LGALS3BP: variants seen among roughly 807,000 people sequenced by gnomAD.
The protein encoded by LGALS3BP is galectin 3 binding protein, also known as galectin-3-binding protein.
Under a neutral mutation model 22.9 loss-of-function variants are expected in LGALS3BP, and 25 were observed. The ratio of observed to expected loss-of-function variants is 1.09; its 90% CI spans 0.80 to 1.53. LGALS3BP has a LOEUF of 1.53. Among genes scored for constraint, LGALS3BP ranks in the 40% most tolerant of loss-of-function variants. LGALS3BP has a pLI of 0.00. For missense variants in LGALS3BP, 718 were observed against 752.0 expected, an observed-to-expected ratio of 0.95 and a Z score of 0.53; for synonymous variants, 335 against 331.1, an observed-to-expected ratio of 1.01 and a Z score of -0.13.
At position 78,974,605 on chromosome 17, in the gene LGALS3BP, G is replaced by C. The variant is rs1005211299; in HGVS notation, c.376+83C>G. The C allele has an allele frequency of 2.1e-6, 3 of 1,436,144 alleles. No individual in the cohort carries two copies. In the Admixed American group the frequency reaches 5.7e-5, roughly 27 times the overall value. 89.0% of individuals were successfully genotyped at this position (1,436,144 alleles called of 1,614,324 possible). ...GAACCTTTGTGTGCTTCATGTGCGT[G>C]GGGGGGTGGTGCTGGGAGGGGCAGG... is the stretch of plus-strand genomic sequence containing the variant. On this transcript the variant is annotated intron_variant, in intron 4 of 5. Coordinates refer to ENST00000262776, the MANE Select transcript of LGALS3BP (RefSeq NM_005567.4).
chr17:78,974,255 C>CT (rs1428632894), intron 4 of LGALS3BP, among the ~76,000 whole-genome samples: 1 of 152,258 alleles, frequency 6.6e-6, no homozygotes, highest in African/African-American at 2.4e-5. Context: ...CCTGGGTTCC[C>CT]TCCAAACTGG....
rs778454792 is a variant in LGALS3BP, at chr17:78,974,689, A to G, written c.375T>C (p.Asn125=). The G allele has an allele frequency of 2.5e-6, 4 of 1,613,082 alleles. No individual in the cohort carries two copies. In the African/African-American group the frequency reaches 5.3e-5, roughly 22 times the overall value. The change falls in exon 4 of 6, where the codon AAT becomes AAC. Residue 125 remains asparagine, a splice_region_variant and synonymous_variant. Transcript: ENST00000262776. ...GCAGGGAGGTGCGCCCCCGCTCACC[A>G]TTGGTGCAGACCACACCAGCGTCTC... ...HERDAGVVCT[N]ETRSTHTLDL...
At position 78,975,889 on chromosome 17, in the gene LGALS3BP, T is replaced by A. The variant is rs150134342; in HGVS notation, c.244+76A>T. 197 of 1,053,690 alleles carry A rather than the reference T, an allele frequency of 1.9e-4. No individual in the cohort carries two copies. The African/African-American group carries it at 3.0e-3, about 16-fold the overall frequency. 65.3% of individuals were successfully genotyped at this position (1,053,690 alleles called of 1,614,324 possible). A position where few individuals can be genotyped will look rare whatever the true frequency, so the allele number is the denominator to read the frequency against. On this transcript the variant is annotated intron_variant, in intron 3 of 5. Transcript: ENST00000262776. ...GTCTTTGAAACCTGACTGTTTCGTC[T>A]TAGGGGATTTGCCCCTCCTGGGAGC...
chr17:78,972,067 A>C lies in LGALS3BP; in HGVS notation c.1267T>G (p.Trp423Gly). 6.2e-7 allele frequency: 1 copy of C among 1,613,960 alleles called. No individual in the cohort carries two copies. The highest frequency in any genetic ancestry group is 8.5e-7 in the Non-Finnish European group (1 of 1,179,906). The part of the protein sequence containing the change: ...TWSAFVTDSS[W>G]SARKSQLVYQ... ...ACCAGTTGTGACTTCCGTGCACTCC[A>C]GGAACTGTCTGTCACAAAGGCACTC... Residue 423 changes from tryptophan to glycine, a missense_variant, in exon 6 of 6, where the codon TGG becomes GGG. Trp to Gly is a radical substitution (Grantham distance 184). Coordinates refer to ENST00000262776, the MANE Select transcript of LGALS3BP (RefSeq NM_005567.4). This position sits in a 1 kb window ranked among gnomAD's most constrained non-coding sequence, Gnocchi z 5.1.
intron 3 of LGALS3BP, 91 bp from the exon 4 acceptor site, chr17:78,974,910 C>T: frequency 6.6e-7 from 1 of 1,509,604 alleles, no homozygotes; most frequent in Non-Finnish European, 9.0e-7. Flanking sequence ...TCCGCCCCGG[C>T]CGTGTGGGTC....
chr17:78,974,153 C>T (rs538854385), intron 4 of LGALS3BP, among the ~76,000 whole-genome samples: 1 of 152,230 alleles, frequency 6.6e-6, no homozygotes, highest in Non-Finnish European at 1.5e-5. Context: ...GCAGGAAATG[C>T]CCAGGTTGTC....
chr17:78,972,371 T>G lies in LGALS3BP; in HGVS notation c.963A>C (p.Leu321=). The G allele has an allele frequency of 6.2e-7, 1 of 1,613,450 alleles. No homozygotes were observed. Among genetic ancestry groups the G allele is most frequent in the South Asian group, 1.1e-5 (1 of 91,088 alleles). Residue 321 remains leucine, a synonymous_variant, in exon 6 of 6, where the codon CTA becomes CTC. Coordinates refer to ENST00000262776, the MANE Select transcript of LGALS3BP (RefSeq NM_005567.4). The surrounding 1 kb of genome is among the most constrained non-coding windows in gnomAD (Gnocchi z 5.1). ...SDLAVPSELA[L]LKAVDTWSWG... ...AGCTCCAGGTGTCCACGGCCTTCAGTAGGGCCAGCTCGCTGGGCACCGCCA... is the reference window on the plus strand; with the variant it reads ...AGCTCCAGGTGTCCACGGCCTTCAGGAGGGCCAGCTCGCTGGGCACCGCCA...
intron 2 of LGALS3BP, 46 bp downstream of exon 2, chr17:78,977,094 G>C (rs1202144941): frequency 1.9e-6 from 3 of 1,602,030 alleles, no homozygotes; most frequent in Non-Finnish European, 1.7e-6. Flanking sequence ...GGGTGCACCA[G>C]CCTTCCACAC....
chr17:78,971,567 C>A lies in LGALS3BP; in HGVS notation c.*9G>T. ...TTCTCCGGTTCTCACCACCCTTGGG[C>A]CACGCCGTCTAGTCCACACCTGAGG... On this transcript the variant is annotated 3_prime_UTR_variant, in exon 6 of 6. Coordinates refer to ENST00000262776, the MANE Select transcript of LGALS3BP (RefSeq NM_005567.4). This position sits in a 1 kb window ranked among gnomAD's most constrained non-coding sequence, Gnocchi z 5.6. The A allele has an allele frequency of 6.2e-7, 1 of 1,607,198 alleles. No individual in the cohort carries two copies. The highest frequency in any genetic ancestry group is 8.5e-7 in the Non-Finnish European group (1 of 1,176,148).
Position 78,973,124 on chromosome 17 carries a change from C to A in LGALS3BP, c.475G>T (p.Val159Leu), listed in dbSNP as rs140337664. The change falls in exon 5 of 6, where the codon GTG (valine) becomes TTG (leucine). Residue 159 changes from valine (V) to leucine (L), a missense_variant. Transcript: ENST00000262776. This position sits in a 1 kb window ranked among gnomAD's most constrained non-coding sequence, Gnocchi z 5.8. ...SQRGCDLSISVNVQGEDALGF... is the reference protein window; with the variant it reads ...SQRGCDLSISLNVQGEDALGF... ...AGGGCGTCCTCGCCCTGCACATTCA[C>A]GCTGATGGACAGGTCGCAGCCCCGC... 6.2e-7 allele frequency: 1 copy of A among 1,613,268 alleles called. No homozygotes were observed. The highest frequency in any genetic ancestry group is 8.5e-7 in the Non-Finnish European group (1 of 1,179,880).
At position 78,972,069 on chromosome 17, in the gene LGALS3BP, G is replaced by A; in HGVS notation, c.1265C>T (p.Ser422Phe). Residue 422 changes from serine (S) to phenylalanine (F), a missense_variant, in exon 6 of 6, where the codon TCC becomes TTC. By Grantham distance (155) the Ser-to-Phe change is radical. Coordinates refer to ENST00000262776, the MANE Select transcript of LGALS3BP (RefSeq NM_005567.4). The surrounding 1 kb of genome is among the most constrained non-coding windows in gnomAD (Gnocchi z 5.1). ...CAGTTGTGACTTCCGTGCACTCCAG[G>A]AACTGTCTGTCACAAAGGCACTCCA... ...PTWSAFVTDS[S>F]WSARKSQLVY... 6.2e-7 allele frequency: 1 copy of A among 1,613,924 alleles called. No individual in the cohort carries two copies. Among genetic ancestry groups the A allele is most frequent in the Non-Finnish European group, 8.5e-7 (1 of 1,179,908 alleles).
chr17:78,979,831 C>A lies in LGALS3BP; in HGVS notation c.-31G>T, dbSNP rs918473589. 6.6e-6 allele frequency: 1 copy of A among 152,258 alleles called. No homozygotes were observed. Among genetic ancestry groups the A allele is most frequent in the Non-Finnish European group, 1.5e-5 (1 of 68,056 alleles). The allele number at this position is 152,258 out of a possible 1,614,324, so 9.4% of individuals were successfully genotyped here. A position where few individuals can be genotyped will look rare whatever the true frequency, so the allele number is the denominator to read the frequency against. ...CTAGAGGCAGGAGCTTACCTGGCTG[C>A]GGTAGCTGCAACGGCCGTGTGGAGC... On this transcript the variant is annotated 5_prime_UTR_variant, in exon 1 of 6. Transcript: ENST00000262776.
chr17:78,979,819 C>G lies in LGALS3BP; in HGVS notation c.-24+5G>C, dbSNP rs1340517344. ...CCCACCTGAGAGCTAGAGGCAGGAG[C>G]TTACCTGGCTGCGGTAGCTGCAACG... On this transcript the variant is annotated splice_donor_5th_base_variant and intron_variant, in intron 1 of 5. Coordinates refer to ENST00000262776, the MANE Select transcript of LGALS3BP (RefSeq NM_005567.4). 6.6e-6 allele frequency: 1 copy of G among 152,228 alleles called. No individual in the cohort carries two copies. The highest frequency in any genetic ancestry group is 1.5e-5 in the Non-Finnish European group (1 of 68,054). 9.4% of individuals were successfully genotyped at this position (152,228 alleles called of 1,614,324 possible). A position where few individuals can be genotyped will look rare whatever the true frequency, so the allele number is the denominator to read the frequency against.
In LGALS3BP at chr17:78,973,805, C is replaced by T. The variant is rs2070696126; in HGVS notation, c.377-583G>A. On this transcript the variant is annotated intron_variant, in intron 4 of 5. Coordinates refer to ENST00000262776, the MANE Select transcript of LGALS3BP (RefSeq NM_005567.4). This position sits in a 1 kb window ranked among gnomAD's most constrained non-coding sequence, Gnocchi z 5.8. ...AAATCCCATAGGTTTTTCTTCGCCA[C>T]AAATATAGTAGTTTTGAAGTAACTG... Among the ~76,000 whole-genome samples, 1 of 152,238 alleles carries T rather than the reference C, an allele frequency of 6.6e-6. No individual in the cohort carries two copies. The highest frequency in any genetic ancestry group is 1.5e-5 in the Non-Finnish European group (1 of 68,032).
chr17:78,972,555 G>A lies in LGALS3BP; in HGVS notation c.779C>T (p.Pro260Leu), dbSNP rs1205157887. The change falls in exon 6 of 6, where the codon CCC (proline) becomes CTC (leucine). Residue 260 changes from proline (P) to leucine (L), a missense_variant. Physicochemically the swap from Pro to Leu is moderately conservative, Grantham distance 98 (BLOSUM62 -3). Coordinates refer to ENST00000262776, the MANE Select transcript of LGALS3BP (RefSeq NM_005567.4). This position sits in a 1 kb window ranked among gnomAD's most constrained non-coding sequence, Gnocchi z 5.1. ...LLPQDPSFQM[P>L]LDLYAYAVAT... ...CACTGCATAGGCATACAGGTCCAGG[G>A]GCATCTGGAACGAGGGGTCCTGGGG... The A allele has an allele frequency of 6.2e-7, 1 of 1,605,508 alleles. No individual in the cohort carries two copies. The highest frequency in any genetic ancestry group is 1.3e-5 in the African/African-American group (1 of 74,878).
chr17:78,975,036 C>T, intron 3 of LGALS3BP: 2 of 589,348 alleles, frequency 3.4e-6, no homozygotes, highest in South Asian at 4.2e-5. Flanking sequence ...AGCTTACCGG[C>T]TGCTTCAGCG....
intron 3 of LGALS3BP, 54 bp downstream of exon 3, chr17:78,975,911 G>C: frequency 7.3e-7 from 1 of 1,369,436 alleles, no homozygotes. Context: ...CCCCTCCTGG[G>C]AGCTGGCTGT....
At chr17:78,977,584 C>G (rs2070732351) in intron 1 of LGALS3BP, 1 of 243,176 alleles carries the variant, frequency 4.1e-6, no homozygotes, top group African/African-American at 2.3e-5. Context: ...ATGGAGGAGG[C>G]CACAGGCGTG....
rs1251691884 is a variant in LGALS3BP, at chr17:78,976,851, G to A, written c.52+289C>T. ...GTCCAAGGCCACTGACCTCACAACG[G>A]CCCCTGTGACTGCTGGTTTGATCAG... On this transcript the variant is annotated intron_variant, in intron 2 of 5. Transcript: ENST00000262776. The surrounding 1 kb of genome is among the most constrained non-coding windows in gnomAD (Gnocchi z 4.6). The A allele has an allele frequency of 4.3e-6, 2 of 461,274 alleles. No homozygotes were observed. Among genetic ancestry groups the A allele is most frequent in the African/African-American group, 2.0e-5 (1 of 49,048 alleles). 28.6% of individuals were successfully genotyped at this position (461,274 alleles called of 1,614,324 possible). A position where few individuals can be genotyped will look rare whatever the true frequency, so the allele number is the denominator to read the frequency against.
Sources: gnomAD v4.1 joint callset for allele counts (sites outside exome capture counted in the v4.1 genomes callset) on GRCh38, gnomAD v4.1.1 for gene constraint, Gnocchi (gnomAD v3.1) non-coding constraint, MANE v1.5 for transcripts, NCBI Gene and HGNC (gene_info 2026-07-23, HGNC 2026-07-21) for gene names.